WWTR1: variants seen among roughly 807,000 people sequenced by gnomAD.
The protein encoded by WWTR1 is WW domain-containing transcription regulator protein 1.
Under a neutral mutation model 40.1 loss-of-function variants are expected in WWTR1, and 13 were observed. The observed-to-expected ratio is 0.32, with a 90% CI of 0.21 to 0.52. The LOEUF is 0.52. WWTR1 is among the 20% of genes least tolerant of loss of function. The pLI is 0.97. For missense variants in WWTR1, 436 were observed against 523.1 expected, an observed-to-expected ratio of 0.83 and a Z score of 1.63; for synonymous variants, 230 against 210.1, an observed-to-expected ratio of 1.09 and a Z score of -0.82.
chr3:149,566,667 G>T (rs1051312512), intron 3 of WWTR1, among the ~76,000 whole-genome samples: 6 of 152,166 alleles, frequency 3.9e-5, no homozygotes, highest in Non-Finnish European at 8.8e-5. Flanking sequence ...GCAACCCAGG[G>T]CTTCGATATC....
chr3:149,696,112 C>CAA (rs368629673), intron 1 of WWTR1, among the ~76,000 whole-genome samples: 17,759 of 75,580 alleles, frequency 0.23, 3,124 homozygotes, highest in African/African-American at 0.3. Flanking sequence ...GACTCTGTCT[C>CAA]AAAAAAAAAA....
intron 2 of WWTR1, among the ~76,000 whole-genome samples, chr3:149,622,641 A>G (rs1460750126): frequency 6.6e-6 from 1 of 152,106 alleles, no homozygotes; most frequent in African/African-American, 2.4e-5. Context: ...TCTTGAGCTC[A>G]GGAGTTCAAG....
intron 5 of WWTR1, among the ~76,000 whole-genome samples, chr3:149,711,462 T>A (rs1410368828): frequency 6.6e-6 from 1 of 152,200 alleles, no homozygotes; most frequent in Non-Finnish European, 1.5e-5. Flanking sequence ...ATGCATTTGT[T>A]TTGTGAGGTA....
At chr3:149,544,655 T>C (rs1462263485) in intron 3 of WWTR1, among the ~76,000 whole-genome samples, 1 of 152,174 alleles carries the variant, frequency 6.6e-6, no homozygotes, top group Non-Finnish European at 1.5e-5. Flanking sequence ...ATCGAGATCC[T>C]CTTGTACCCC....
At chr3:149,583,371 G>T (rs1253811339) in intron 2 of WWTR1, among the ~76,000 whole-genome samples, 1 of 152,136 alleles carries the variant, frequency 6.6e-6, no homozygotes, top group African/African-American at 2.4e-5. Context: ...TAGGGATTCA[G>T]TTCCAAACTC....
chr3:149,532,575 C>CT (rs1735636560), intron 4 of WWTR1, among the ~76,000 whole-genome samples: 1 of 152,022 alleles, frequency 6.6e-6, no homozygotes. Context: ...AAATTCTAGC[C>CT]TTTTTTTGAA....
chr3:149,588,399 A>G (rs774432139), intron 2 of WWTR1, among the ~76,000 whole-genome samples: 1 of 152,192 alleles, frequency 6.6e-6, no homozygotes, highest in Non-Finnish European at 1.5e-5. Context: ...CATCCCTGTA[A>G]ATCACAAACA....
chr3:149,718,477 T>C (rs553405089), intron 4 of WWTR1, among the ~76,000 whole-genome samples: 1 of 152,356 alleles, frequency 6.6e-6, no homozygotes, highest in East Asian at 1.9e-4. Context: ...TATGGTAAAA[T>C]ATATGTAACA....
At chr3:149,524,403 C>T (rs1383987008) in intron 6 of WWTR1, among the ~76,000 whole-genome samples, 1 of 133,766 alleles carries the variant, frequency 7.5e-6, no homozygotes, top group Non-Finnish European at 1.6e-5. Flanking sequence ...TGCTTTTTAT[C>T]CTTACTGGCT....
At chr3:149,535,460 G>A (rs963067222) in intron 4 of WWTR1, among the ~76,000 whole-genome samples, 1 of 151,998 alleles carries the variant, frequency 6.6e-6, no homozygotes, top group Non-Finnish European at 1.5e-5. Context: ...ACTTCCCGGA[G>A]ACTGCCTTTT....
chr3:149,630,352 T>C (rs770352247), intron 2 of WWTR1, among the ~76,000 whole-genome samples: 16 of 152,112 alleles, frequency 1.1e-4, no homozygotes, highest in Non-Finnish European at 2.1e-4. Context: ...AATGAATAGG[T>C]AGGGATGAAG....
intron 6 of WWTR1, among the ~76,000 whole-genome samples, chr3:149,521,550 T>C (rs1273734464): frequency 6.6e-6 from 1 of 152,220 alleles, no homozygotes; most frequent in African/African-American, 2.4e-5. Context: ...GCACAGTGCA[T>C]ATGAGCATGT....
At chr3:149,605,267 G>T (rs753018495) in intron 2 of WWTR1, among the ~76,000 whole-genome samples, 7 of 152,194 alleles carry the variant, frequency 4.6e-5, no homozygotes, top group Non-Finnish European at 1.0e-4. Context: ...GCCACAGCAT[G>T]AGAGTGGATC....
At chr3:149,593,397 T>C (rs1481989671) in intron 2 of WWTR1, among the ~76,000 whole-genome samples, 1 of 152,298 alleles carries the variant, frequency 6.6e-6, no homozygotes, top group East Asian at 1.9e-4. Context: ...TCTTTTTTTT[T>C]TTTTAATTGC....
intron 1 of WWTR1, among the ~76,000 whole-genome samples, chr3:149,676,111 C>A (rs983534635): frequency 6.6e-6 from 1 of 152,098 alleles, no homozygotes; most frequent in Non-Finnish European, 1.5e-5. Context: ...CCTAATACCT[C>A]CAGGCGGAAT....
intron 2 of WWTR1, among the ~76,000 whole-genome samples, chr3:149,596,312 A>T (rs1056920913): frequency 6.6e-6 from 1 of 152,196 alleles, no homozygotes; most frequent in Non-Finnish European, 1.5e-5. Context: ...TGGCACTGAT[A>T]ACACAACAGC....
chr3:149,656,055 G>T (rs111592071), intron 2 of WWTR1, among the ~76,000 whole-genome samples: 12 of 152,266 alleles, frequency 7.9e-5, no homozygotes, highest in African/African-American at 2.6e-4. Context: ...TTTCTCCTGA[G>T]GAATGTAGTT....
At chr3:149,633,576 T>A (rs1711656253) in intron 2 of WWTR1, among the ~76,000 whole-genome samples, 1 of 152,160 alleles carries the variant, frequency 6.6e-6, no homozygotes, top group Admixed American at 6.5e-5. Flanking sequence ...GTGCTAGGTA[T>A]AATGGTAGAC....
In WWTR1 at chr3:149,533,595, G is replaced by A. The variant is rs902905915; in HGVS notation, c.772-5626C>T. Among the ~76,000 whole-genome samples, 4 of 152,232 alleles carry A rather than the reference G, an allele frequency of 2.6e-5. No individual in the cohort carries two copies. In the East Asian group the frequency reaches 7.7e-4, roughly 29 times the overall value. On this transcript the variant is annotated intron_variant, in intron 4 of 6. Coordinates refer to ENST00000360632, the MANE Select transcript of WWTR1 (RefSeq NM_015472.6). The stretch of plus-strand genomic sequence containing the variant: ...CCACCGGATTTCTGAAACAGTAGTT[G>A]GGGTTTAAGTTGGGGTCCAGAGCTT...
Sources: allele counts gnomAD v4.1 joint callset (sites outside exome capture counted in the v4.1 genomes callset), GRCh38; gene constraint gnomAD v4.1.1; transcripts MANE v1.5; gene names NCBI Gene and HGNC (gene_info 2026-07-23, HGNC 2026-07-21).